Variants in AGAP1 observed in about 807,000 individuals in gnomAD.
AGAP1 encodes the protein arf-GAP with GTPase, ANK repeat and PH domain-containing protein 1.
AGAP1 carries 29 observed loss-of-function variants against 105.3 expected under a neutral mutation model. The ratio of observed to expected loss-of-function variants is 0.28; its 90% confidence interval spans 0.21 to 0.38. The LOEUF is 0.38. Ranked by LOEUF, AGAP1 falls within the 10% of genes least tolerant of loss-of-function variation. The pLI, the probability that AGAP1 is intolerant of heterozygous loss-of-function variation, is 1.00. For missense variants in AGAP1, 998 were observed against 1,165.1 expected, an observed-to-expected ratio of 0.86 and a Z score of 2.09; for synonymous variants, 509 against 485.9, an observed-to-expected ratio of 1.05 and a Z score of -0.63.
Position 235,610,129 on chromosome 2 carries a change from T to C in AGAP1, c.164-99050T>C, listed in dbSNP as rs1039656797. Among the ~76,000 whole-genome samples, 1 of 152,172 alleles carries C rather than the reference T, an allele frequency of 6.6e-6. No homozygotes were observed. The highest frequency in any genetic ancestry group is 2.1e-4 in the South Asian group (1 of 4,824). On this transcript the variant is annotated intron_variant, in intron 1 of 17. Transcript: ENST00000304032. The surrounding 1 kb of genome is among the most constrained non-coding windows in gnomAD (Gnocchi z 4.9). ...TATGGTGACAGGCTTGTCTCCACCA[T>C]TGGAGTAAGCTCCAGCCCAGCTCCT... is the stretch of plus-strand genomic sequence containing the variant.
chr2:236,033,001 T>C (rs2057271700), intron 13 of AGAP1, among the ~76,000 whole-genome samples: 1 of 152,122 alleles, frequency 6.6e-6, no homozygotes, highest in South Asian at 2.1e-4. Flanking sequence ...ATCCCAGCAT[T>C]TGGGGAGGCC....
intron 1 of AGAP1, among the ~76,000 whole-genome samples, chr2:235,704,523 G>A (rs113567233): frequency 0.076 from 11,620 of 152,248 alleles, 1,455 homozygotes; most frequent in African/African-American, 0.26. Context: ...GCGGGCGCCT[G>A]TAGTCCCAGC....
At chr2:235,618,783 C>T (rs997326171) in intron 1 of AGAP1, among the ~76,000 whole-genome samples, 9 of 152,112 alleles carry the variant, frequency 5.9e-5, no homozygotes, top group African/African-American at 1.4e-4. Flanking sequence ...ATGTGGTAGA[C>T]GTAATAACGG....
rs967134301 is a variant in AGAP1, at chr2:235,664,730, A to G, written c.164-44449A>G. Among the ~76,000 whole-genome samples the G allele has an allele frequency of 4.6e-5, 7 of 152,158 alleles. No individual in the cohort carries two copies. Among genetic ancestry groups the G allele is most frequent in the Non-Finnish European group, 1.0e-4 (7 of 68,020 alleles). ...ATGCTTCCTATGGCTGCATGGAGGA[A>G]AGGAGTCTGGGCCTGAATCTCCCGT... On this transcript the variant is annotated intron_variant, in intron 1 of 17. Coordinates refer to ENST00000304032, the MANE Select transcript of AGAP1 (RefSeq NM_001037131.3). This position sits in a 1 kb window ranked among gnomAD's most constrained non-coding sequence, Gnocchi z 5.7.
Position 235,741,606 on chromosome 2 carries a change from A to C in AGAP1, c.396+558A>C, listed in dbSNP as rs1952587707. On this transcript the variant is annotated intron_variant, in intron 4 of 17. Transcript: ENST00000304032. The surrounding 1 kb of genome is among the most constrained non-coding windows in gnomAD (Gnocchi z 4.9). ...GAAAGATGGTCATTCTGGAAATAAC[A>C]AAACATGAGTGTGGAAGATCTCTTT... Among the ~76,000 whole-genome samples, 2 of 152,362 alleles carry C rather than the reference A, an allele frequency of 1.3e-5. No homozygotes were observed. The highest frequency in any genetic ancestry group is 1.5e-5 in the Non-Finnish European group (1 of 68,034).
intron 9 of AGAP1, among the ~76,000 whole-genome samples, chr2:235,862,461 A>T (rs1367385408): frequency 1.3e-5 from 2 of 152,202 alleles, no homozygotes; most frequent in African/African-American, 2.4e-5. Flanking sequence ...TGCATTTTCC[A>T]TGCCCGTTCT....
intron 1 of AGAP1, among the ~76,000 whole-genome samples, chr2:235,619,539 G>C (rs1186584618): frequency 6.6e-6 from 1 of 151,798 alleles, no homozygotes; most frequent in Non-Finnish European, 1.5e-5. Flanking sequence ...ATTCAAACCT[G>C]GGGCTGAAGT....
At chr2:236,032,181 T>C (rs146918773) in intron 13 of AGAP1, among the ~76,000 whole-genome samples, 81 of 152,340 alleles carry the variant, frequency 5.3e-4, no homozygotes, top group African/African-American at 1.8e-3. Context: ...CACAATTTGG[T>C]AAGCAGACTT....
Position 235,908,194 on chromosome 2 carries a change from C to T in AGAP1, c.1156-544C>T, listed in dbSNP as rs1020425887. On this transcript the variant is annotated intron_variant, in intron 10 of 17. Coordinates refer to ENST00000304032, the MANE Select transcript of AGAP1 (RefSeq NM_001037131.3). This position sits in a 1 kb window ranked among gnomAD's most constrained non-coding sequence, Gnocchi z 4.4. ...TTCTCTGATTGCTGCTGGTCATTTGCTTCCAAGGCCTAGAAAGCCAGATAC... is the reference window on the plus strand; with the variant it reads ...TTCTCTGATTGCTGCTGGTCATTTGTTTCCAAGGCCTAGAAAGCCAGATAC... Among the ~76,000 whole-genome samples, 3 of 152,188 alleles carry T rather than the reference C, an allele frequency of 2.0e-5. No homozygotes were observed. The highest frequency in any genetic ancestry group is 2.9e-5 in the Non-Finnish European group (2 of 68,032).
At chr2:235,876,267 A>G (rs1221213273) in intron 9 of AGAP1, among the ~76,000 whole-genome samples, 1 of 152,168 alleles carries the variant, frequency 6.6e-6, no homozygotes, top group Non-Finnish European at 1.5e-5. Flanking sequence ...TTTAAAGGAG[A>G]ATGAACTAGT....
intron 1 of AGAP1, among the ~76,000 whole-genome samples, chr2:235,645,347 C>T (rs750562393): frequency 8.5e-5 from 13 of 152,118 alleles, no homozygotes; most frequent in Non-Finnish European, 1.5e-4. Flanking sequence ...ATGGATTTAG[C>T]CCATTTAAAG....
At chr2:235,852,763 C>T (rs1295316021) in intron 9 of AGAP1, 2 of 1,535,112 alleles carry the variant, frequency 1.3e-6, no homozygotes, top group Non-Finnish European at 8.8e-7. Context: ...GTCAGTCCTC[C>T]CCCTGGCCAG....
chr2:235,797,591 C>T (rs974699805), intron 6 of AGAP1, among the ~76,000 whole-genome samples, 168 bp from the exon 7 acceptor site: 9 of 152,070 alleles, frequency 5.9e-5, no homozygotes, highest in African/African-American at 2.2e-4. Context: ...GAGGCTCTGG[C>T]AAATGTCATG....
intron 1 of AGAP1, among the ~76,000 whole-genome samples, chr2:235,573,741 T>TTGGCAGGTGTGCC (rs1431935779): frequency 1.3e-5 from 2 of 152,238 alleles, no homozygotes; most frequent in Non-Finnish European, 2.9e-5. Flanking sequence ...GCAGGTGGGC[T>TTGGCAGGTGTGCC]TGGCAGGTGT....
chr2:235,716,584 C>T lies in AGAP1; in HGVS notation c.223-973C>T, dbSNP rs1049588852. 6.6e-6 allele frequency among the ~76,000 whole-genome samples: 1 copy of T among 152,040 alleles called. No individual in the cohort carries two copies. The highest frequency in any genetic ancestry group is 2.4e-5 in the African/African-American group (1 of 41,372). On this transcript the variant is annotated intron_variant, in intron 2 of 17. Coordinates refer to ENST00000304032, the MANE Select transcript of AGAP1 (RefSeq NM_001037131.3). The surrounding 1 kb of genome is among the most constrained non-coding windows in gnomAD (Gnocchi z 4.0). ...GATGGGTGCCTTGTGATGTTTTGGG[C>T]TTTTTAAGGAATCGATTAGATCATG...
chr2:235,809,024 T>G (rs1054030633), intron 9 of AGAP1, among the ~76,000 whole-genome samples: 3 of 152,286 alleles, frequency 2.0e-5, no homozygotes, highest in African/African-American at 7.2e-5. Flanking sequence ...TTTCATAAAC[T>G]GGTACCAGGA....
chr2:236,088,050 A>T (rs920939597), intron 16 of AGAP1, among the ~76,000 whole-genome samples: 1 of 152,036 alleles, frequency 6.6e-6, no homozygotes, highest in Admixed American at 6.6e-5. Context: ...AGCAAGAAAG[A>T]CCCTCAGTCT....
intron 1 of AGAP1, among the ~76,000 whole-genome samples, chr2:235,647,267 G>C (rs1947423318): frequency 6.6e-6 from 1 of 151,072 alleles, no homozygotes; most frequent in Admixed American, 6.6e-5. Context: ...TTAACAATGT[G>C]ATCACAGTCT....
chr2:235,630,506 C>T (rs923336656), intron 1 of AGAP1, among the ~76,000 whole-genome samples: 1 of 152,190 alleles, frequency 6.6e-6, no homozygotes, highest in Non-Finnish European at 1.5e-5. Context: ...CCACCATGCC[C>T]GGCCCCTGTA....
Sources: allele counts gnomAD v4.1 joint callset (sites outside exome capture counted in the v4.1 genomes callset), GRCh38; gene constraint gnomAD v4.1.1; non-coding constraint Gnocchi (gnomAD v3.1); transcripts MANE v1.5; gene names NCBI Gene and HGNC (gene_info 2026-07-23, HGNC 2026-07-21).